MSTO1: variants seen among roughly 807,000 people sequenced by gnomAD.
The protein encoded by MSTO1 is misato mitochondrial distribution and morphology regulator 1, also known as protein misato homolog 1.
In MSTO1, 24 loss-of-function variants were observed where a neutral mutation model predicts 55.7. The ratio of observed to expected loss-of-function variants is 0.43; its 90% CI spans 0.31 to 0.61. MSTO1 has a LOEUF of 0.61. Among genes scored for constraint, MSTO1 ranks in the 20% least tolerant of loss-of-function variants. The probability of loss-of-function intolerance (pLI) is 0.09; values close to 1 mark genes in which losing one functional copy is unlikely to be tolerated. For synonymous variants in MSTO1, 162 were observed against 252.8 expected (o/e 0.64, Z 3.41); for missense variants, 363 against 625.7 (o/e 0.58, Z 4.48).
chr1:155,608,569 G>A (rs1673051592), upstream of MSTO1, among the ~76,000 whole-genome samples: 1 of 145,484 alleles, frequency 6.9e-6, no homozygotes, highest in Non-Finnish European at 1.5e-5. Context: ...GCGCGATCTC[G>A]GCTCACCGCA....
the MSTO1 span, among the ~76,000 whole-genome samples, chr1:155,603,090 C>T: frequency 6.6e-6 from 1 of 152,054 alleles, no homozygotes; most frequent in Non-Finnish European, 1.5e-5. Flanking sequence ...TTTGGTCAGG[C>T]ACAGGGGCTC....
rs1334207272 is a variant in MSTO1, at chr1:155,612,478, G to A, written c.874G>A (p.Ala292Thr). Residue 292 changes from alanine (A) to threonine (T), a missense_variant, in exon 9 of 14, where the codon GCT (alanine) becomes ACT (threonine). By Grantham distance (58) the Ala-to-Thr change is moderately conservative (BLOSUM62 0). Around this residue, in one of 3 missense-constraint regions of MSTO1, gnomAD observed 231 missense variants for 286.9 expected, o/e 0.81. Transcript: ENST00000245564. ...NTAFGLVHLT[A>T]HSSLVCPLSL... The stretch of plus-strand genomic sequence containing the variant: ...AGCTTTTGGTCTCGTGCACCTGACT[G>A]CTCACAGCTCTCTTGTCTGCCCCTT... The A allele has an allele frequency of 1.2e-6, 2 of 1,613,916 alleles. No individual in the cohort carries two copies. Among genetic ancestry groups the A allele is most frequent in the East Asian group, 2.2e-5 (1 of 44,898 alleles).
At chr1:155,601,907 A>G in the MSTO1 span, among the ~76,000 whole-genome samples, 1 of 152,068 alleles carries the variant, frequency 6.6e-6, no homozygotes, top group Non-Finnish European at 1.5e-5. Flanking sequence ...GGCGCCTGCC[A>G]CTATGCCCAG....
the MSTO1 span, among the ~76,000 whole-genome samples, chr1:155,580,897 G>A: frequency 8.3e-6 from 1 of 120,740 alleles, no homozygotes; most frequent in African/African-American, 3.3e-5. Context: ...AACAGAGTGA[G>A]ACTCTGTCTC....
At chr1:155,596,939 T>C in the MSTO1 span, among the ~76,000 whole-genome samples, 1 of 151,928 alleles carries the variant, frequency 6.6e-6, no homozygotes, top group Admixed American at 6.6e-5. Flanking sequence ...CTCATCTCTA[T>C]CCAAAAAAAG....
the MSTO1 span, among the ~76,000 whole-genome samples, chr1:155,575,442 CT>C: frequency 1.3e-5 from 2 of 151,110 alleles, no homozygotes; most frequent in Admixed American, 6.6e-5. Flanking sequence ...AATCTTTTGC[CT>C]TTTTTTTTCT....
the MSTO1 span, among the ~76,000 whole-genome samples, chr1:155,588,054 C>A: frequency 6.6e-6 from 1 of 150,958 alleles, no homozygotes; most frequent in Non-Finnish European, 1.5e-5. Context: ...AAAAAAAATA[C>A]AAACATTAGC....
the MSTO1 span, among the ~76,000 whole-genome samples, chr1:155,577,084 T>G: frequency 0.044 from 6,550 of 149,936 alleles, 205 homozygotes; most frequent in Non-Finnish European, 0.069. Flanking sequence ...TTTGTCTTTT[T>G]TTTGTTTGTT....
At chr1:155,589,015 CG>C in the MSTO1 span, among the ~76,000 whole-genome samples, 4 of 152,090 alleles carry the variant, frequency 2.6e-5, no homozygotes, top group African/African-American at 9.7e-5. Context: ...AATTTCCTCT[CG>C]GCCGGGCACG....
At chr1:155,587,073 C>G in the MSTO1 span, among the ~76,000 whole-genome samples, 1 of 152,126 alleles carries the variant, frequency 6.6e-6, no homozygotes, top group South Asian at 2.1e-4. Context: ...AAGTAGATTT[C>G]TTCTTTTTAG....
chr1:155,608,680 T>A (rs1422933370), upstream of MSTO1, among the ~76,000 whole-genome samples: 1 of 151,690 alleles, frequency 6.6e-6, no homozygotes, highest in Non-Finnish European at 1.5e-5. Flanking sequence ...TTGTTAGTAT[T>A]TTTAGTAGAG....
intron 13 of MSTO1, 72 bp from the exon 14 acceptor site, chr1:155,613,987 T>A (rs1235880023): frequency 6.2e-7 from 1 of 1,603,408 alleles, no homozygotes; most frequent in Non-Finnish European, 8.5e-7. Flanking sequence ...TTGGACTTCC[T>A]TATCAGTTTG....
the MSTO1 span, among the ~76,000 whole-genome samples, chr1:155,585,522 CAAAA>C: frequency 3.5e-5 from 2 of 56,902 alleles, no homozygotes. Flanking sequence ...GACTCCGTCT[CAAAA>C]AAAAAAAAAA....
At chr1:155,589,328 A>G in the MSTO1 span, among the ~76,000 whole-genome samples, 1 of 152,004 alleles carries the variant, frequency 6.6e-6, no homozygotes, top group Non-Finnish European at 1.5e-5. Flanking sequence ...TTTCTTAATA[A>G]CAGATGAGAA....
chr1:155,594,234 T>C, the MSTO1 span, among the ~76,000 whole-genome samples: 1 of 151,428 alleles, frequency 6.6e-6, no homozygotes, highest in South Asian at 2.1e-4. Flanking sequence ...AAACCCCGTC[T>C]CTACTAAAAA....
the MSTO1 span, among the ~76,000 whole-genome samples, chr1:155,589,541 G>A: frequency 1.3e-5 from 2 of 152,194 alleles, no homozygotes; most frequent in East Asian, 3.9e-4. Context: ...AGCAAGCTGA[G>A]GAGCAAGTAA....
the MSTO1 span, among the ~76,000 whole-genome samples, chr1:155,575,326 T>C: frequency 2.0e-5 from 3 of 152,160 alleles, no homozygotes; most frequent in Non-Finnish European, 4.4e-5. Flanking sequence ...TGGTATCTCA[T>C]TGTGGTTTTT....
the MSTO1 span, among the ~76,000 whole-genome samples, chr1:155,584,487 G>C: frequency 5.9e-5 from 9 of 151,652 alleles, no homozygotes; most frequent in Non-Finnish European, 1.0e-4. Context: ...GGCACCATAG[G>C]AAGGCTTATC....
the MSTO1 span, among the ~76,000 whole-genome samples, chr1:155,579,205 C>T: frequency 9.2e-5 from 14 of 151,910 alleles, no homozygotes; most frequent in Middle Eastern, 3.4e-3. Flanking sequence ...CCTAGCTACT[C>T]GGGAGGCCGA....
Sources: allele counts gnomAD v4.1 joint callset (sites outside exome capture counted in the v4.1 genomes callset), GRCh38; gene constraint gnomAD v4.1.1; regional missense constraint gnomAD v4.1.1; transcripts MANE v1.5; gene names NCBI Gene and HGNC (gene_info 2026-07-23, HGNC 2026-07-21).